The following HERC4 variants were observed in gnomAD, a reference collection of about 807,000 sequenced individuals.
HERC4 encodes the protein HECT and RLD domain containing E3 ubiquitin protein ligase 4.
A neutral mutation model predicts 124.3 loss-of-function variants in HERC4; 28 were observed. The observed-to-expected ratio is 0.23, with a 90% confidence interval of 0.17 to 0.31. The LOEUF is 0.31. Among genes scored for constraint, HERC4 ranks in the 10% least tolerant of loss-of-function variants. The probability of loss-of-function intolerance (pLI) is 1.00; values close to 1 mark genes in which losing one functional copy is unlikely to be tolerated. For synonymous variants in HERC4, 407 were observed against 421.5 expected (o/e 0.97, Z 0.42); for missense variants, 713 against 1,229.3 (o/e 0.58, Z 6.28).
chr10:67,940,087 C>T (rs1019497326), intron 20 of HERC4, among the ~76,000 whole-genome samples: 2 of 151,906 alleles, frequency 1.3e-5, no homozygotes, highest in Non-Finnish European at 2.9e-5. Context: ...GCCACCATGC[C>T]CGGCTAATTT....
intron 15 of HERC4, among the ~76,000 whole-genome samples, chr10:67,983,184 A>G (rs2036041604): frequency 6.6e-6 from 1 of 152,164 alleles, no homozygotes; most frequent in Non-Finnish European, 1.5e-5. Flanking sequence ...ATCTCACCCC[A>G]GTTAAAATGG....
chr10:68,013,665 A>T (rs768723474), intron 9 of HERC4, among the ~76,000 whole-genome samples: 4 of 152,226 alleles, frequency 2.6e-5, no homozygotes, highest in African/African-American at 4.8e-5. Context: ...TTGGTTACAT[A>T]ATAACGTGAA....
chr10:67,985,726 A>G (rs1269404572), intron 15 of HERC4, among the ~76,000 whole-genome samples: 1 of 152,238 alleles, frequency 6.6e-6, no homozygotes, highest in Non-Finnish European at 1.5e-5. Flanking sequence ...TTTAGCTGAT[A>G]ATACATCCAT....
intron 3 of HERC4, among the ~76,000 whole-genome samples, chr10:68,072,383 T>C (rs1364301571): frequency 1.3e-5 from 2 of 152,140 alleles, no homozygotes; most frequent in Admixed American, 6.5e-5. Flanking sequence ...GAATAAAAGA[T>C]ATTTCTAACT....
rs1433120776 is a variant in HERC4, at chr10:67,922,792, C to T, written c.*139G>A. 6 of 585,786 alleles carry T rather than the reference C, an allele frequency of 1.0e-5. No homozygotes were observed. Among genetic ancestry groups the T allele is most frequent in the Admixed American group, 3.0e-5 (1 of 33,342 alleles). 36.3% of individuals were successfully genotyped at this position (585,786 alleles called of 1,614,324 possible). ...ATTTTCCTTTAATATTTTTTGGCTT[C>T]CATGAACACTCGTAGATTGAACATT... On this transcript the variant is annotated 3_prime_UTR_variant, in exon 25 of 25. Coordinates refer to ENST00000373700, the MANE Select transcript of HERC4 (RefSeq NM_015601.4).
chr10:68,054,579 AGT>A (rs1361564857), intron 3 of HERC4, among the ~76,000 whole-genome samples: 1 of 152,032 alleles, frequency 6.6e-6, no homozygotes, highest in Non-Finnish European at 1.5e-5. Flanking sequence ...CCTGACCTCA[AGT>A]GATCCACCCA....
chr10:67,942,162 G>A (rs2032968056), intron 19 of HERC4, among the ~76,000 whole-genome samples: 1 of 152,148 alleles, frequency 6.6e-6, no homozygotes, highest in African/African-American at 2.4e-5. Flanking sequence ...AAGAATAAAT[G>A]TTTTAAATAA....
At chr10:67,923,818 A>G (rs1338333357) in intron 24 of HERC4, among the ~76,000 whole-genome samples, 1 of 151,948 alleles carries the variant, frequency 6.6e-6, no homozygotes, top group Non-Finnish European at 1.5e-5. Flanking sequence ...GAATTTGACC[A>G]AGATTCTCGG....
At chr10:68,014,572 T>G (rs1407150425) in intron 8 of HERC4, among the ~76,000 whole-genome samples, 4 of 152,182 alleles carry the variant, frequency 2.6e-5, no homozygotes, top group Non-Finnish European at 1.5e-5. Flanking sequence ...GTCCTCCACT[T>G]GGGTATCACC....
Position 68,040,105 on chromosome 10 carries a change from A to C in HERC4, c.387-1936T>G, listed in dbSNP as rs11814547. On this transcript the variant is annotated intron_variant, in intron 4 of 24. Coordinates refer to ENST00000373700, the MANE Select transcript of HERC4 (RefSeq NM_015601.4). ...AATAGTACGTAATGAATATACTGTT[A>C]AAGGATAACTACATTTGTAAGGTCT... 7.2e-4 allele frequency: 682 copies of C among 950,576 alleles called. 2 individuals are homozygous for C. The African/African-American group carries it at 0.011, about 16-fold the overall frequency. 58.9% of individuals were successfully genotyped at this position (950,576 alleles called of 1,614,324 possible).
intron 8 of HERC4, among the ~76,000 whole-genome samples, chr10:68,014,584 A>T (rs2038150078): frequency 6.6e-6 from 1 of 152,204 alleles, no homozygotes; most frequent in Admixed American, 6.5e-5. Context: ...GGTATCACCG[A>T]GAAGTTTTAG....
chr10:67,971,544 T>C (rs2035235010), intron 15 of HERC4, among the ~76,000 whole-genome samples: 1 of 151,998 alleles, frequency 6.6e-6, no homozygotes, highest in Admixed American at 6.6e-5. Context: ...CATCTGTTCA[T>C]CTCAACAGAT....
intron 17 of HERC4, 120 bp downstream of exon 17, chr10:67,956,758 T>C (rs1049369948): frequency 7.6e-6 from 4 of 527,812 alleles, no homozygotes; most frequent in Non-Finnish European, 9.9e-6. Context: ...GTCTTCTTTA[T>C]AGCTACCCAA....
chr10:67,993,954 C>T (rs1467479371), intron 9 of HERC4: 1 of 152,132 alleles, frequency 6.6e-6, no homozygotes, highest in Non-Finnish European at 1.5e-5. Context: ...AAGGAAATGA[C>T]CACATGTTAA....
intron 19 of HERC4, among the ~76,000 whole-genome samples, chr10:67,951,431 C>A (rs2033783920): frequency 6.6e-6 from 1 of 152,210 alleles, no homozygotes; most frequent in Admixed American, 6.5e-5. Flanking sequence ...AAACCCACAT[C>A]CATATGGCAT....
At chr10:67,946,933 T>A (rs2033409213) in intron 19 of HERC4, among the ~76,000 whole-genome samples, 1 of 151,968 alleles carries the variant, frequency 6.6e-6, no homozygotes, top group African/African-American at 2.4e-5. Flanking sequence ...AAATTACAAA[T>A]ATAAATATGC....
At chr10:67,984,471 TAGA>T (rs1440717497) in intron 15 of HERC4, among the ~76,000 whole-genome samples, 1 of 151,770 alleles carries the variant, frequency 6.6e-6, no homozygotes, top group Non-Finnish European at 1.5e-5. Flanking sequence ...AGACACAGAG[TAGA>T]AGAATGGTTA....
intron 9 of HERC4, among the ~76,000 whole-genome samples, chr10:68,009,571 T>C (rs1441606757): frequency 1.3e-5 from 2 of 152,212 alleles, no homozygotes; most frequent in Admixed American, 1.3e-4. Context: ...CTCGCCTCAT[T>C]GTCAACATTG....
chr10:67,972,682 A>G (rs2035322537), intron 15 of HERC4, among the ~76,000 whole-genome samples: 1 of 152,190 alleles, frequency 6.6e-6, no homozygotes, highest in Non-Finnish European at 1.5e-5. Flanking sequence ...AATTTTTAAA[A>G]GAATATGCAA....
Sources: allele counts gnomAD v4.1 joint callset (sites outside exome capture counted in the v4.1 genomes callset), GRCh38; gene constraint gnomAD v4.1.1; transcripts MANE v1.5; gene names NCBI Gene and HGNC (gene_info 2026-07-23, HGNC 2026-07-21).